GRM7: variants seen among roughly 807,000 people sequenced by gnomAD.
The protein encoded by GRM7 is glutamate metabotropic receptor 7, also known as metabotropic glutamate receptor 7.
A neutral mutation model predicts 84.5 loss-of-function variants in GRM7; 35 were observed. The ratio of observed to expected loss-of-function variants is 0.41; its 90% confidence interval spans 0.32 to 0.55. GRM7 has a LOEUF of 0.55. Among genes scored for constraint, GRM7 ranks in the 20% least tolerant of loss-of-function variants. The pLI is 0.19. For missense variants in GRM7, 1,003 were observed against 1,194.6 expected (o/e 0.84, Z 2.36); for synonymous variants, 487 against 455.1 (o/e 1.07, Z -0.89).
chr3:7,401,755 C>G (rs1695461822), intron 4 of GRM7, among the ~76,000 whole-genome samples: 2 of 152,140 alleles, frequency 1.3e-5, no homozygotes, highest in Non-Finnish European at 2.9e-5. Flanking sequence ...TTCTGAATCT[C>G]TTCCCTTTCT....
chr3:7,041,079 CAAAAAA>C (rs557674027), intron 1 of GRM7, among the ~76,000 whole-genome samples: 3 of 80,816 alleles, frequency 3.7e-5, no homozygotes, highest in Non-Finnish European at 2.9e-5. Flanking sequence ...GACCCTGTCT[CAAAAAA>C]AAAAAAAAAA....
intron 4 of GRM7, among the ~76,000 whole-genome samples, chr3:7,403,492 T>C (rs1177437570): frequency 1.3e-5 from 2 of 151,016 alleles, no homozygotes; most frequent in African/African-American, 4.8e-5. Context: ...CATTAAATCT[T>C]GGAAAGCTTT....
At chr3:7,024,682 G>A in intron 1 of GRM7, among the ~76,000 whole-genome samples, 1 of 152,204 alleles carries the variant, frequency 6.6e-6, no homozygotes, top group East Asian at 1.9e-4. Context: ...GTATGGGACA[G>A]CAGAACAAGA....
At chr3:7,548,534 T>C (rs533288848) in intron 7 of GRM7, among the ~76,000 whole-genome samples, 1 of 152,264 alleles carries the variant, frequency 6.6e-6, no homozygotes, top group African/African-American at 2.4e-5. Context: ...TGAGGGAAAA[T>C]CCAGACTATA....
chr3:7,659,066 G>C (rs3804848), intron 8 of GRM7, among the ~76,000 whole-genome samples: 68,961 of 151,978 alleles, frequency 0.45, 16,361 homozygotes, highest in Non-Finnish European at 0.53. Flanking sequence ...CTGAATATTC[G>C]TTTGTCTGAA....
At chr3:7,226,930 G>C (rs1363331974) in intron 2 of GRM7, among the ~76,000 whole-genome samples, 1 of 152,080 alleles carries the variant, frequency 6.6e-6, no homozygotes, top group African/African-American at 2.4e-5. Flanking sequence ...GCTCTGATTT[G>C]CTCCCATAAA....
rs1702678630 is a variant in GRM7 at position 7,741,014 on chromosome 3, T to TG, written c.*608_*609insG. 6.6e-6 allele frequency: 1 copy of TG among 152,454 alleles called. No homozygotes were observed. The highest frequency in any genetic ancestry group is 2.1e-4 in the South Asian group (1 of 4,824). The allele number at this position is 152,454 out of a possible 1,614,324, so 9.4% of individuals were successfully genotyped here. A position where few individuals can be genotyped will look rare whatever the true frequency, so the allele number is the denominator to read the frequency against. On this transcript the variant is annotated 3_prime_UTR_variant, in exon 10 of 10. Coordinates refer to ENST00000357716, the MANE Select transcript of GRM7 (RefSeq NM_000844.4). ...TACCACTGCACATCATGTTTTTTTTTTTAAGACAAAAAAGATGTTTAAAGA... is the reference window on the plus strand; with the variant it reads ...TACCACTGCACATCATGTTTTTTTTTGTTAAGACAAAAAAGATGTTTAAAGA...
intron 1 of GRM7, among the ~76,000 whole-genome samples, chr3:6,931,295 C>A (rs1326941768): frequency 1.3e-5 from 2 of 152,206 alleles, no homozygotes; most frequent in East Asian, 3.9e-4. Flanking sequence ...AATGCCGTGA[C>A]TTACTAGCAA....
intron 7 of GRM7, among the ~76,000 whole-genome samples, chr3:7,491,522 T>G (rs900350587): frequency 1.3e-5 from 2 of 152,302 alleles, no homozygotes; most frequent in Non-Finnish European, 2.9e-5. Flanking sequence ...TGTATGGCAT[T>G]GCCCTGGGCT....
intron 4 of GRM7, among the ~76,000 whole-genome samples, chr3:7,395,619 A>C (rs925748110): frequency 6.6e-6 from 1 of 152,168 alleles, no homozygotes; most frequent in African/African-American, 2.4e-5. Flanking sequence ...GGTAGTGAAT[A>C]AGTCTCAAAA....
At chr3:6,917,174 T>C (rs920784238) in intron 1 of GRM7, among the ~76,000 whole-genome samples, 2 of 152,144 alleles carry the variant, frequency 1.3e-5, no homozygotes. Context: ...GGTGAGAATT[T>C]GGTAAGAGGT....
At chr3:7,736,428 G>C (rs140888951) in intron 9 of GRM7, among the ~76,000 whole-genome samples, 1 of 152,212 alleles carries the variant, frequency 6.6e-6, no homozygotes, top group African/African-American at 2.4e-5. Context: ...CAGAAAATCT[G>C]TTATGCTAAC....
intron 1 of GRM7, among the ~76,000 whole-genome samples, chr3:7,038,602 C>T (rs553711671): frequency 2.6e-5 from 4 of 152,160 alleles, no homozygotes; most frequent in African/African-American, 4.8e-5. Context: ...GTGCTACCTA[C>T]GTGAGTCTAT....
chr3:6,960,701 T>C (rs1198122871), intron 1 of GRM7, among the ~76,000 whole-genome samples: 2 of 152,194 alleles, frequency 1.3e-5, no homozygotes, highest in Non-Finnish European at 1.5e-5. Context: ...TTTTCTCTTA[T>C]TGTTTTCTTC....
intron 1 of GRM7, among the ~76,000 whole-genome samples, chr3:7,043,859 G>A (rs1012791375): frequency 1.3e-5 from 2 of 152,050 alleles, no homozygotes; most frequent in African/African-American, 2.4e-5. Context: ...ACCCTGCTCC[G>A]CCTCCCAGAG....
intron 9 of GRM7, among the ~76,000 whole-genome samples, chr3:7,715,705 A>G (rs1276646758): frequency 6.6e-6 from 1 of 152,188 alleles, no homozygotes; most frequent in Non-Finnish European, 1.5e-5. Flanking sequence ...AGTAAATCAC[A>G]GAACAGGGAT....
chr3:6,880,511 T>A (rs1695469583), intron 1 of GRM7, among the ~76,000 whole-genome samples: 1 of 152,184 alleles, frequency 6.6e-6, no homozygotes, highest in Admixed American at 6.5e-5. Context: ...GGTTCACATA[T>A]AAACAATATG....
chr3:7,296,681 A>G (rs1339164335), intron 2 of GRM7, among the ~76,000 whole-genome samples: 2 of 152,144 alleles, frequency 1.3e-5, no homozygotes, highest in Non-Finnish European at 2.9e-5. Context: ...ATATCCTCAT[A>G]TTATATTTTG....
At position 7,740,583 on chromosome 3, in the gene GRM7, C is replaced by T. The variant is rs1702661439; in HGVS notation, c.*177C>T. The T allele has an allele frequency of 4.3e-6, 2 of 465,306 alleles. No homozygotes were observed. The highest frequency in any genetic ancestry group is 3.8e-6 in the Non-Finnish European group (1 of 261,566). 28.8% of individuals were successfully genotyped at this position (465,306 alleles called of 1,614,324 possible). Reference sequence around the variant, plus strand: ...ACAGCTGCTTTATGAAATATCCTTACTTTATCTGGGCTTAATAAGTCACTG... The same window carrying T: ...ACAGCTGCTTTATGAAATATCCTTATTTTATCTGGGCTTAATAAGTCACTG... On this transcript the variant is annotated 3_prime_UTR_variant, in exon 10 of 10. Transcript: ENST00000357716.
Sources: gnomAD v4.1 joint callset for allele counts (sites outside exome capture counted in the v4.1 genomes callset) on GRCh38, gnomAD v4.1.1 for gene constraint, MANE v1.5 for transcripts, NCBI Gene and HGNC (gene_info 2026-07-23, HGNC 2026-07-21) for gene names.